The following GLP1R variants were observed in gnomAD, a reference collection of about 807,000 sequenced individuals.
The protein encoded by GLP1R is glucagon like peptide 1 receptor, also known as glucagon-like peptide 1 receptor.
A neutral mutation model predicts 68.4 loss-of-function variants in GLP1R; 32 were observed. That is an observed-to-expected ratio of 0.47 (90% confidence interval 0.35 to 0.63). GLP1R has a LOEUF of 0.63. Ranked by LOEUF, GLP1R falls within the 20% of genes least tolerant of loss-of-function variation. GLP1R has a pLI of 0.00. For synonymous variants in GLP1R, 263 were observed against 244.4 expected (o/e 1.08, Z -0.71); for missense variants, 502 against 594.9 (o/e 0.84, Z 1.62).
intron 5 of GLP1R, among the ~76,000 whole-genome samples, chr6:39,071,300 C>T (rs1768656552): frequency 7.6e-6 from 1 of 131,944 alleles, no homozygotes; most frequent in Admixed American, 9.0e-5. Context: ...GAGCCGAGAT[C>T]ACGTCACTGC....
chr6:39,066,207 A>C lies in GLP1R; in HGVS notation c.413A>C (p.Glu138Ala). The change falls in exon 5 of 13, where the codon GAG (glutamate) becomes GCG (alanine). Residue 138 changes from glutamate to alanine, a missense_variant. By Grantham distance (107) the Glu-to-Ala change is moderately radical (BLOSUM62 -1). Coordinates refer to ENST00000373256, the MANE Select transcript of GLP1R (RefSeq NM_002062.5). ...ESKRGERSSP[E>A]EQLLFLYIIY... ...CCCCGTGTGCCACAGAGCTCCCCGG[A>C]GGAGCAGCTCCTGTTCCTCTACATC... 1 of 1,595,974 alleles carries C rather than the reference A, an allele frequency of 6.3e-7. No individual in the cohort carries two copies. The highest frequency in any genetic ancestry group is 2.2e-5 in the East Asian group (1 of 44,706).
intron 1 of GLP1R, among the ~76,000 whole-genome samples, chr6:39,055,618 C>A (rs1309445232): frequency 9.2e-5 from 14 of 152,052 alleles, no homozygotes; most frequent in Non-Finnish European, 2.1e-4. Context: ...GTTCTGGAAC[C>A]TCCCTGACCC....
At position 39,072,842 on chromosome 6, in the gene GLP1R, G is replaced by C. The variant is rs758648757; in HGVS notation, c.510-20G>C. 2 of 1,609,322 alleles carry C rather than the reference G, an allele frequency of 1.2e-6. No individual in the cohort carries two copies. The highest frequency in any genetic ancestry group is 2.2e-5 in the South Asian group (2 of 90,294). ...ACTGTTGGCTGCCTTGCCAGGGAAA[G>C]GCCCTGCTTTCTCCCTCAGACACCT... is the stretch of plus-strand genomic sequence containing the variant. On this transcript the variant is annotated intron_variant, in intron 5 of 12. Transcript: ENST00000373256.
chr6:39,059,628 C>T (rs565310671), intron 3 of GLP1R, among the ~76,000 whole-genome samples: 11 of 152,278 alleles, frequency 7.2e-5, no homozygotes, highest in South Asian at 2.1e-4. Flanking sequence ...ACATGGGTGT[C>T]GGGAGGACCA....
rs1231422968 is a variant in GLP1R at position 39,086,660 on chromosome 6, T to G, written c.*587T>G. On this transcript the variant is annotated 3_prime_UTR_variant, in exon 13 of 13. Coordinates refer to ENST00000373256, the MANE Select transcript of GLP1R (RefSeq NM_002062.5). This position sits in a 1 kb window ranked among gnomAD's most constrained non-coding sequence, Gnocchi z 4.5. Reference sequence around the variant, plus strand: ...CTCATCTCACTGCCCAGTTTCTTTTTGAGGGGCTTTGTTTGGGCCACTGCC... The same window carrying G: ...CTCATCTCACTGCCCAGTTTCTTTTGGAGGGGCTTTGTTTGGGCCACTGCC... 6.5e-6 allele frequency: 1 copy of G among 152,714 alleles called. No individual in the cohort carries two copies. The highest frequency in any genetic ancestry group is 1.5e-5 in the Non-Finnish European group (1 of 68,094). The allele number at this position is 152,714 out of a possible 1,614,324, so 9.5% of individuals were successfully genotyped here.
chr6:39,051,584 G>A (rs1472407002), intron 1 of GLP1R, among the ~76,000 whole-genome samples: 1 of 152,150 alleles, frequency 6.6e-6, no homozygotes, highest in Non-Finnish European at 1.5e-5. Context: ...CTTGCACCAA[G>A]GCAAAACAGG....
At chr6:39,064,394 C>A (rs1353123455) in intron 3 of GLP1R, among the ~76,000 whole-genome samples, 1 of 152,128 alleles carries the variant, frequency 6.6e-6, no homozygotes, top group African/African-American at 2.4e-5. Context: ...ATTCTCTGGC[C>A]TTCACTCCCT....
intron 4 of GLP1R, 47 bp from the exon 5 acceptor site, chr6:39,066,150 A>C (rs1299160370): frequency 9.5e-7 from 1 of 1,057,162 alleles, no homozygotes; most frequent in South Asian, 1.4e-5. Context: ...TTGTGGGAAG[A>C]GGGCCATGGG....
rs34093988 is a variant in GLP1R at position 39,086,166 on chromosome 6, G to GACACACACACACACACACAC, written c.*113_*132dup. 30 of 582,830 alleles carry GACACACACACACACACACAC rather than the reference G, an allele frequency of 5.1e-5. 1 individual carries two copies. In the African/African-American group the frequency reaches 5.5e-4, roughly 11 times the overall value. The allele number at this position is 582,830 out of a possible 1,614,324, so 36.1% of individuals were successfully genotyped here. ...ACTCCCAGGGACAAGGGAAGGAAGG[G>GACACACACACACACACACAC]ACACACACACACACACACACACACA... On this transcript the variant is annotated 3_prime_UTR_variant, in exon 13 of 13. Coordinates refer to ENST00000373256, the MANE Select transcript of GLP1R (RefSeq NM_002062.5). The surrounding 1 kb of genome is among the most constrained non-coding windows in gnomAD (Gnocchi z 4.5).
At chr6:39,085,489 G>A (rs1478068229) in intron 12 of GLP1R, among the ~76,000 whole-genome samples, 1 of 152,198 alleles carries the variant, frequency 6.6e-6, no homozygotes, top group Non-Finnish European at 1.5e-5. Context: ...AAGGCTGGGG[G>A]TTGCCGTCCC....
chr6:39,082,360 T>C (rs945125517), intron 12 of GLP1R, among the ~76,000 whole-genome samples: 1 of 152,196 alleles, frequency 6.6e-6, no homozygotes, highest in Non-Finnish European at 1.5e-5. Flanking sequence ...CCTAATTCAA[T>C]AGACAGAAGA....
At chr6:39,051,701 G>C (rs1379101278) in intron 1 of GLP1R, among the ~76,000 whole-genome samples, 1 of 152,116 alleles carries the variant, frequency 6.6e-6, no homozygotes, top group Non-Finnish European at 1.5e-5. Context: ...AGACAGACCA[G>C]GGGGAGAAGG....
At chr6:39,066,428 C>G in intron 5 of GLP1R, 125 bp downstream of exon 5, 1 of 611,398 alleles carries the variant, frequency 1.6e-6, no homozygotes, top group South Asian at 2.0e-5. Context: ...CAAGAGCTCT[C>G]TACAGAGCCC....
chr6:39,072,410 C>T (rs920268160), intron 5 of GLP1R, among the ~76,000 whole-genome samples: 2 of 152,218 alleles, frequency 1.3e-5, no homozygotes, highest in Non-Finnish European at 2.9e-5. Context: ...CAATTTGCTA[C>T]ACATTTTCAC....
At chr6:39,056,595 A>G (rs1176777435) in intron 2 of GLP1R, 102 bp downstream of exon 2, 3 of 648,054 alleles carry the variant, frequency 4.6e-6, no homozygotes, top group Non-Finnish European at 8.6e-6. Context: ...ATTTGCCTCT[A>G]TAGGATGCCA....
intron 7 of GLP1R, among the ~76,000 whole-genome samples, chr6:39,076,421 A>G (rs775497163): frequency 2.6e-5 from 4 of 152,110 alleles, no homozygotes; most frequent in Non-Finnish European, 5.9e-5. Context: ...TTGTGTAGAA[A>G]TCAATGGGCC....
At chr6:39,066,090 G>A (rs1253184076) in intron 4 of GLP1R, 107 bp from the exon 5 acceptor site, 1 of 650,708 alleles carries the variant, frequency 1.5e-6, no homozygotes, top group Non-Finnish European at 2.7e-6. Flanking sequence ...TATCCCCGGT[G>A]AGTCCTGACT....
chr6:39,080,864 C>T (rs10305497), intron 12 of GLP1R, 125 bp downstream of exon 12: 12 of 586,148 alleles, frequency 2.0e-5, no homozygotes, highest in Non-Finnish European at 3.6e-5. Flanking sequence ...CACTGAGGCA[C>T]TAGGGTTGAG....
intron 12 of GLP1R, among the ~76,000 whole-genome samples, chr6:39,083,019 C>T (rs931290760): frequency 7.9e-5 from 12 of 152,176 alleles, no homozygotes; most frequent in Admixed American, 2.6e-4. Flanking sequence ...ATCTCATCAC[C>T]TCCCTCCTCA....
Sources: allele counts gnomAD v4.1 joint callset (sites outside exome capture counted in the v4.1 genomes callset), GRCh38; gene constraint gnomAD v4.1.1; non-coding constraint Gnocchi (gnomAD v3.1); transcripts MANE v1.5; gene names NCBI Gene and HGNC (gene_info 2026-07-23, HGNC 2026-07-21).